SQLE: variants seen among roughly 807,000 people sequenced by gnomAD.
SQLE encodes squalene epoxidase, also known as squalene monooxygenase.
A neutral mutation model predicts 60.7 loss-of-function variants in SQLE; 29 were observed. That is an observed-to-expected ratio of 0.48 (90% confidence interval 0.36 to 0.65). The LOEUF (loss-of-function observed/expected upper bound fraction) is 0.65. SQLE is among the 30% of genes least tolerant of loss of function. SQLE has a pLI of 0.00. For missense variants in SQLE, 605 were observed against 684.1 expected (o/e 0.88, Z 1.29); for synonymous variants, 237 against 246.8 (o/e 0.96, Z 0.37).
At chr8:124,999,775 A>G in intron 1 of SQLE, 81 bp downstream of exon 1, 1 of 1,449,440 alleles carries the variant, frequency 6.9e-7, no homozygotes, top group South Asian at 1.5e-5. Flanking sequence ...TTTTATTTGA[A>G]TTGCAAAAGG....
chr8:125,015,260 C>T (rs1815093791), intron 7 of SQLE, among the ~76,000 whole-genome samples: 1 of 151,976 alleles, frequency 6.6e-6, no homozygotes, highest in Non-Finnish European at 1.5e-5. Context: ...TTTTTCCATC[C>T]CTTCATTTTC....
At chr8:125,009,407 GCAGGTGAAA>G (rs1424865469) in intron 6 of SQLE, 64 bp downstream of exon 6, 22 of 1,417,812 alleles carry the variant, frequency 1.6e-5, no homozygotes, top group Non-Finnish European at 2.1e-5. Context: ...GATAAGGATG[GCAGGTGAAA>G]CATTCATCCA....
At chr8:125,000,003 A>C (rs10104486) in intron 1 of SQLE, 114,213 of 535,398 alleles carry the variant, frequency 0.21, 14,334 homozygotes, top group Admixed American at 0.4. Flanking sequence ...TTCCATGATG[A>C]AAAAGTTTTT....
chr8:125,011,632 G>A lies in SQLE; in HGVS notation c.1204G>A (p.Gly402Ser). 1.3e-6 allele frequency: 2 copies of A among 1,565,476 alleles called. No homozygotes were observed. The highest frequency in any genetic ancestry group is 1.7e-6 in the Non-Finnish European group (2 of 1,153,410). The change falls in exon 7 of 11, where the codon GGT becomes AGT. Residue 402 changes from glycine to serine, a missense_variant and splice_region_variant. Physicochemically the swap from Gly to Ser is moderately conservative, Grantham distance 56. Coordinates refer to ENST00000265896, the MANE Select transcript of SQLE (RefSeq NM_003129.4). ...FLPPSSVKKR[G>S]VLLLGDAYNM... ...TCCTCCTTCATCAGTGAAGAAACGA[G>A]GTATTATTTTTTGGGCTTATTTTAT...
chr8:125,012,174 G>A (rs1306876813), intron 7 of SQLE, among the ~76,000 whole-genome samples: 1 of 152,104 alleles, frequency 6.6e-6, no homozygotes, highest in Non-Finnish European at 1.5e-5. Context: ...AGGAGCATAG[G>A]GTGGGTGTCA....
At chr8:125,015,434 T>A (rs752017366) in intron 7 of SQLE, among the ~76,000 whole-genome samples, 10 of 152,210 alleles carry the variant, frequency 6.6e-5, no homozygotes, top group Non-Finnish European at 1.3e-4. Flanking sequence ...TTTGTTTTTG[T>A]TTTCTGATTG....
chr8:124,998,596 A>G lies in SQLE; in HGVS notation c.-808A>G, dbSNP rs936248106. On this transcript the variant is annotated 5_prime_UTR_variant, in exon 1 of 11. Transcript: ENST00000265896. ...GCGCTGGCGAGAGCCGCCGCCCGCG[A>G]GGGATGCTGGTGAGGAAGCCGTCGG... The G allele has an allele frequency of 7.3e-6, 5 of 684,634 alleles. No individual in the cohort carries two copies. The highest frequency in any genetic ancestry group is 1.8e-5 in the African/African-American group (1 of 55,286). 42.4% of individuals were successfully genotyped at this position (684,634 alleles called of 1,614,324 possible). A position where few individuals can be genotyped will look rare whatever the true frequency, so the allele number is the denominator to read the frequency against.
Position 125,003,261 on chromosome 8 carries a change from T to G in SQLE, c.377T>G (p.Val126Gly). 6.2e-7 allele frequency: 1 copy of G among 1,613,968 alleles called. No individual in the cohort carries two copies. Among genetic ancestry groups the G allele is most frequent in the East Asian group, 2.2e-5 (1 of 44,880 alleles). Reference sequence around the variant, plus strand: ...ACATCTTCTCAGAATGACCCAGAAGTTATCATCGTGGGAGCTGGCGTGCTT... The same window carrying G: ...ACATCTTCTCAGAATGACCCAGAAGGTATCATCGTGGGAGCTGGCGTGCTT... ...TSTSSQNDPE[V>G]IIVGAGVLGS... Residue 126 changes from valine to glycine, a missense_variant, in exon 2 of 11, where the codon GTT becomes GGT. Val to Gly is a moderately radical substitution (Grantham distance 109). Coordinates refer to ENST00000265896, the MANE Select transcript of SQLE (RefSeq NM_003129.4).
At chr8:125,020,324 G>A (rs1815182741) in intron 9 of SQLE, among the ~76,000 whole-genome samples, 1 of 152,122 alleles carries the variant, frequency 6.6e-6, no homozygotes, top group African/African-American at 2.4e-5. Context: ...GAGTTACTTT[G>A]AAAGGTATTA....
intron 6 of SQLE, among the ~76,000 whole-genome samples, chr8:125,010,705 TGAAAAGG>T (rs1815025476): frequency 6.6e-6 from 1 of 152,158 alleles, no homozygotes; most frequent in Non-Finnish European, 1.5e-5. Flanking sequence ...TGAATATTTA[TGAAAAGG>T]GTCATCCATT....
At chr8:125,004,543 CCTGTT>C (rs1278151953) in intron 2 of SQLE, among the ~76,000 whole-genome samples, 1 of 144,722 alleles carries the variant, frequency 6.9e-6, no homozygotes, top group African/African-American at 2.9e-5. Context: ...TTGATGGTGT[CCTGTT>C]GTTTCAATTT....
At chr8:125,001,794 CTTGA>C (rs146537481) in intron 1 of SQLE, among the ~76,000 whole-genome samples, 28,470 of 151,696 alleles carry the variant, frequency 0.19, 3,093 homozygotes, top group Middle Eastern at 0.35. Context: ...TTCCTTTTTG[CTTGA>C]TTATTTTTTA....
At position 124,999,458 on chromosome 8, in the gene SQLE, G is replaced by T; in HGVS notation, c.55G>T (p.Asp19Tyr). 1.9e-6 allele frequency: 3 copies of T among 1,552,236 alleles called. No homozygotes were observed. The highest frequency in any genetic ancestry group is 2.6e-6 in the Non-Finnish European group (3 of 1,148,490). ...TFTYFYKKFG[D>Y]FITLANREVL... ...CACCTATTTTTATAAGAAGTTCGGG[G>T]ACTTCATCACTTTGGCCAACAGGGA... The change falls in exon 1 of 11, where the codon GAC becomes TAC. Residue 19 changes from aspartate (D) to tyrosine (Y), a missense_variant. By Grantham distance (160) the Asp-to-Tyr change is radical. Coordinates refer to ENST00000265896, the MANE Select transcript of SQLE (RefSeq NM_003129.4).
At position 125,018,901 on chromosome 8, in the gene SQLE, A is replaced by T. The variant is rs1368034635; in HGVS notation, c.1444+174A>T. The T allele has an allele frequency of 7.1e-6, 4 of 565,726 alleles. No homozygotes were observed. In the Admixed American group the frequency reaches 1.1e-4, roughly 15 times the overall value. 35.0% of individuals were successfully genotyped at this position (565,726 alleles called of 1,614,324 possible). A position where few individuals can be genotyped will look rare whatever the true frequency, so the allele number is the denominator to read the frequency against. The stretch of plus-strand genomic sequence containing the variant: ...GAGCAATAGTTGTAGTTTTAGTTTT[A>T]GTTTGGAAGGTAGTGGAATTTCCTT... On this transcript the variant is annotated intron_variant, in intron 9 of 10. Transcript: ENST00000265896.
chr8:125,018,703 T>C lies in SQLE; in HGVS notation c.1420T>C (p.Tyr474His), dbSNP rs746374911. The C allele has an allele frequency of 3.7e-6, 6 of 1,603,864 alleles. No individual in the cohort carries two copies. Among genetic ancestry groups the C allele is most frequent in the African/African-American group, 1.3e-5 (1 of 74,432 alleles). Residue 474 changes from tyrosine to histidine, a missense_variant, in exon 9 of 11, where the codon TAT becomes CAT. Transcript: ENST00000265896. ...FVVNILAQAL[Y>H]ELFSATDDSL... ...CGTGAATATCCTTGCTCAGGCTCTT[T>C]ATGAATTATTTTCTGCCACAGATGG...
At chr8:125,005,248 G>A (rs542097179) in intron 2 of SQLE, among the ~76,000 whole-genome samples, 1 of 152,194 alleles carries the variant, frequency 6.6e-6, no homozygotes, top group East Asian at 1.9e-4. Flanking sequence ...AGAGGATTAT[G>A]GTTTATTTCA....
In SQLE at chr8:125,018,887, G is replaced by T. The variant is rs112357840; in HGVS notation, c.1444+160G>T. On this transcript the variant is annotated intron_variant, in intron 9 of 10. Coordinates refer to ENST00000265896, the MANE Select transcript of SQLE (RefSeq NM_003129.4). ...TAAAATTCCATTTTGAGCAATAGTT[G>T]TAGTTTTAGTTTTAGTTTGGAAGGT... is the stretch of plus-strand genomic sequence containing the variant. The T allele has an allele frequency of 1.2e-3, 719 of 584,418 alleles. 2 individuals are homozygous for T. Among genetic ancestry groups the T allele is most frequent in the Middle Eastern group, 3.2e-3 (7 of 2,198 alleles). The allele number at this position is 584,418 out of a possible 1,614,324, so 36.2% of individuals were successfully genotyped here.
chr8:125,011,260 C>T (rs1383778577), intron 6 of SQLE: 1 of 224,866 alleles, frequency 4.4e-6, no homozygotes, highest in Non-Finnish European at 8.6e-6. Context: ...TGTTTCATTT[C>T]ATCTGAATTT....
chr8:125,003,159 T>G lies in SQLE; in HGVS notation c.292-17T>G, dbSNP rs775249397. On this transcript the variant is annotated splice_polypyrimidine_tract_variant and intron_variant, in intron 1 of 10. Coordinates refer to ENST00000265896, the MANE Select transcript of SQLE (RefSeq NM_003129.4). Reference sequence around the variant, plus strand: ...AACAAATTTGGATACCTAGTTTACCTTTTTTTTTTTAAACAGCGCAGAAAA... The same window carrying G: ...AACAAATTTGGATACCTAGTTTACCGTTTTTTTTTTAAACAGCGCAGAAAA... The G allele has an allele frequency of 1.4e-5, 11 of 791,698 alleles. No individual in the cohort carries two copies. The highest frequency in any genetic ancestry group is 1.2e-4 in the Admixed American group (3 of 25,712). The allele number at this position is 791,698 out of a possible 1,614,324, so 49.0% of individuals were successfully genotyped here. A position where few individuals can be genotyped will look rare whatever the true frequency, so the allele number is the denominator to read the frequency against.
Sources: allele counts gnomAD v4.1 joint callset (sites outside exome capture counted in the v4.1 genomes callset), GRCh38; gene constraint gnomAD v4.1.1; transcripts MANE v1.5; gene names NCBI Gene and HGNC (gene_info 2026-07-23, HGNC 2026-07-21).